Variants in GDAP1 observed in about 807,000 individuals in gnomAD.
GDAP1 encodes ganglioside-induced differentiation-associated protein 1.
GDAP1 carries 34 observed loss-of-function variants against 40.1 expected under a neutral mutation model. The observed-to-expected ratio is 0.85, with a 90% CI of 0.64 to 1.13. GDAP1 has a LOEUF of 1.13. Ranked by LOEUF, GDAP1 falls within the 50% of genes most tolerant of loss-of-function variation. GDAP1 has a pLI of 0.00. For synonymous variants in GDAP1, 170 were observed against 157.4 expected, an observed-to-expected ratio of 1.08 and a Z score of -0.60; for missense variants, 374 against 433.7, an observed-to-expected ratio of 0.86 and a Z score of 1.22.
At chr8:74,472,092 A>G (rs866278018) in intron 2 of GDAP1, among the ~76,000 whole-genome samples, 14 of 152,090 alleles carry the variant, frequency 9.2e-5, no homozygotes, top group Middle Eastern at 3.4e-3. Flanking sequence ...CCCTCCTCTC[A>G]CACTCCACTC....
chr8:74,388,043 T>C (rs879921542), intron 2 of GDAP1, among the ~76,000 whole-genome samples: 2 of 152,164 alleles, frequency 1.3e-5, no homozygotes, highest in Admixed American at 6.5e-5. Context: ...TTTTTTATTG[T>C]GTGTATTTGA....
chr8:74,440,735 A>G (rs1487191640), intron 2 of GDAP1, among the ~76,000 whole-genome samples: 1 of 152,088 alleles, frequency 6.6e-6, no homozygotes, highest in African/African-American at 2.4e-5. Context: ...AAACTTTAGT[A>G]TATGAATTAG....
chr8:74,359,053 T>C (rs1809232232), intron 2 of GDAP1, among the ~76,000 whole-genome samples: 1 of 152,212 alleles, frequency 6.6e-6, no homozygotes, highest in African/African-American at 2.4e-5. Context: ...AGCCCTGACC[T>C]TTGGGTTGCA....
intron 2 of GDAP1, among the ~76,000 whole-genome samples, chr8:74,380,837 C>T (rs1380262025): frequency 2.0e-5 from 3 of 152,188 alleles, no homozygotes; most frequent in African/African-American, 7.2e-5. Context: ...CTCTGGGACT[C>T]TTCCACCAGC....
intron 2 of GDAP1, among the ~76,000 whole-genome samples, chr8:74,455,460 A>T (rs921284298): frequency 1.3e-5 from 2 of 151,990 alleles, no homozygotes; most frequent in African/African-American, 4.8e-5. Context: ...AATTGTTAAT[A>T]TGTGAAAGGA....
intron 2 of GDAP1, among the ~76,000 whole-genome samples, chr8:74,398,994 A>G (rs1366120046): frequency 6.6e-6 from 1 of 152,128 alleles, no homozygotes; most frequent in Non-Finnish European, 1.5e-5. Flanking sequence ...CATCAAGGAT[A>G]TTGATCTAAA....
intron 2 of GDAP1, among the ~76,000 whole-genome samples, chr8:74,378,338 A>C (rs1809893139): frequency 6.6e-6 from 1 of 152,192 alleles, no homozygotes; most frequent in Non-Finnish European, 1.5e-5. Flanking sequence ...AAGTGGGGCC[A>C]GAGTCCATGC....
Position 74,453,739 on chromosome 8 carries a change from A to T in GDAP1, c.166-34939A>T, listed in dbSNP as rs139335003. The stretch of plus-strand genomic sequence containing the variant: ...AAGCCAATTCTTCTCTTTATCTCTC[A>T]GTTACCCATCTATAGAATGAAAGTA... On this transcript the variant is annotated intron_variant, in intron 2 of 2. Transcript: ENST00000523640. Among the ~76,000 whole-genome samples, 775 of 83,334 alleles carry T rather than the reference A, an allele frequency of 9.3e-3. 314 individuals carry two copies. Among genetic ancestry groups the T allele is most frequent in the African/African-American group, 0.039 (748 of 18,988 alleles). The allele number at this position is 83,334 out of a possible 152,430, so 54.7% of individuals were successfully genotyped here. A position where few individuals can be genotyped will look rare whatever the true frequency, so the allele number is the denominator to read the frequency against.
At chr8:74,386,133 G>T (rs1291805867) in intron 2 of GDAP1, among the ~76,000 whole-genome samples, 2 of 152,158 alleles carry the variant, frequency 1.3e-5, no homozygotes, top group African/African-American at 4.8e-5. Context: ...CTCCCATTCT[G>T]TAGGTTTCCT....
At chr8:74,406,528 C>T (rs919441076) in intron 2 of GDAP1, among the ~76,000 whole-genome samples, 1 of 150,144 alleles carries the variant, frequency 6.7e-6, no homozygotes, top group Non-Finnish European at 1.5e-5. Flanking sequence ...TACAAGAAAC[C>T]ATGGAAAATT....
chr8:74,479,684 G>C (rs968835961), intron 2 of GDAP1, among the ~76,000 whole-genome samples: 1 of 152,076 alleles, frequency 6.6e-6, no homozygotes, highest in Non-Finnish European at 1.5e-5. Flanking sequence ...CTAGGTTCTC[G>C]CCTATGTGTG....
intron 2 of GDAP1, among the ~76,000 whole-genome samples, chr8:74,393,858 G>T (rs1048603109): frequency 1.3e-5 from 2 of 152,034 alleles, no homozygotes; most frequent in South Asian, 4.1e-4. Context: ...TAGCTTCTGA[G>T]AGATAACTAG....
At chr8:74,460,738 G>A (rs186837786) in intron 2 of GDAP1, among the ~76,000 whole-genome samples, 22 of 152,196 alleles carry the variant, frequency 1.4e-4, no homozygotes, top group Admixed American at 1.4e-3. Context: ...CCTAAGAAAA[G>A]GTTCTATTTG....
intron 2 of GDAP1, among the ~76,000 whole-genome samples, chr8:74,425,565 G>C (rs1435952277): frequency 6.6e-6 from 1 of 152,186 alleles, no homozygotes; most frequent in African/African-American, 2.4e-5. Context: ...AGGAAGCGGG[G>C]CAAACTGTAG....
At chr8:74,381,231 T>G (rs1477606655) in intron 2 of GDAP1, among the ~76,000 whole-genome samples, 1 of 152,114 alleles carries the variant, frequency 6.6e-6, no homozygotes, top group Non-Finnish European at 1.5e-5. Context: ...ACTATTTTAT[T>G]AAAGTAATTA....
intron 2 of GDAP1, among the ~76,000 whole-genome samples, chr8:74,411,982 C>A (rs1805715123): frequency 6.7e-6 from 1 of 149,736 alleles, no homozygotes; most frequent in Non-Finnish European, 1.5e-5. Flanking sequence ...TTCCTGTGTC[C>A]CAAACATAAA....
At chr8:74,380,377 T>A (rs1809931606) in intron 2 of GDAP1, among the ~76,000 whole-genome samples, 1 of 152,288 alleles carries the variant, frequency 6.6e-6, no homozygotes, top group East Asian at 1.9e-4. Flanking sequence ...GCTTTTCTAA[T>A]TGATGGATGA....
chr8:74,373,968 G>T (rs144060282), intron 2 of GDAP1, among the ~76,000 whole-genome samples: 4 of 152,072 alleles, frequency 2.6e-5, no homozygotes, highest in Non-Finnish European at 5.9e-5. Context: ...TAGCATGAAG[G>T]GTTGTTGAAT....
At chr8:74,437,295 A>T (rs1188245145) in intron 2 of GDAP1, among the ~76,000 whole-genome samples, 2 of 152,174 alleles carry the variant, frequency 1.3e-5, no homozygotes, top group Non-Finnish European at 2.9e-5. Flanking sequence ...AAGGCCCCTA[A>T]AATTTAAGTG....
Sources: allele counts gnomAD v4.1 joint callset (sites outside exome capture counted in the v4.1 genomes callset), GRCh38; gene constraint gnomAD v4.1.1; transcripts MANE v1.5; gene names NCBI Gene and HGNC (gene_info 2026-07-23, HGNC 2026-07-21).